NLGN4X: variants seen among roughly 807,000 people sequenced by gnomAD.
NLGN4X encodes neuroligin-4, X-linked.
In NLGN4X, 3 loss-of-function variants were observed where a neutral mutation model predicts 40.3. The observed-to-expected ratio is 0.07, with a 90% CI of 0.03 to 0.19. The LOEUF is 0.19. NLGN4X is among the 10% of genes least tolerant of loss of function. NLGN4X has a pLI of 1.00. For synonymous variants in NLGN4X, 270 were observed against 306.8 expected, an observed-to-expected ratio of 0.88 and a Z score of 1.25; for missense variants, 382 against 708.3, an observed-to-expected ratio of 0.54 and a Z score of 5.23.
At chrX:5,909,930 A>G (rs1221508433) in intron 3 of NLGN4X, among the ~76,000 whole-genome samples, 10 of 111,156 alleles carry the variant, frequency 9.0e-5, no homozygotes, top group Admixed American at 8.7e-4. Flanking sequence ...CATCTCCCCA[A>G]CTGTTCCCAA....
chrX:6,049,683 G>A (rs2037427205), intron 2 of NLGN4X, among the ~76,000 whole-genome samples: 1 of 93,171 alleles, frequency 1.1e-5, no homozygotes. Flanking sequence ...AAACTCTTAA[G>A]AGGGTGAAAG....
chrX:6,090,067 A>C (rs945816773), intron 2 of NLGN4X, among the ~76,000 whole-genome samples: 1 of 111,241 alleles, frequency 9.0e-6, no homozygotes, highest in African/African-American at 3.3e-5. Context: ...ACGTAAACAC[A>C]TGTCCTATTC....
At chrX:6,149,395 G>C (rs1159365430) in intron 2 of NLGN4X, among the ~76,000 whole-genome samples, 1 of 112,022 alleles carries the variant, frequency 8.9e-6, no homozygotes, top group East Asian at 2.8e-4. Context: ...CCTTTGTCCT[G>C]TTTGGGGGGT....
intron 1 of NLGN4X, among the ~76,000 whole-genome samples, chrX:6,156,168 TGAATA>T (rs1473716516): frequency 1.8e-5 from 2 of 111,942 alleles, no homozygotes; most frequent in Non-Finnish European, 3.8e-5. Flanking sequence ...AACAGTAGAT[TGAATA>T]AAGAAAATGT....
At chrX:6,187,187 CG>C (rs1395132016) in intron 1 of NLGN4X, 1 of 106,940 alleles carries the variant, frequency 9.4e-6, no homozygotes, top group South Asian at 4.5e-4. Context: ...CCGCCCGCCT[CG>C]GCCTCCCAAA....
chrX:5,962,113 A>G (rs1458857183), intron 3 of NLGN4X, among the ~76,000 whole-genome samples: 3 of 112,526 alleles, frequency 2.7e-5, no homozygotes, highest in Non-Finnish European at 5.6e-5. Context: ...AGTTACACAC[A>G]GTCAAATGGG....
intron 3 of NLGN4X, among the ~76,000 whole-genome samples, chrX:5,973,197 C>T (rs759278825): frequency 8.9e-6 from 1 of 112,147 alleles, no homozygotes; most frequent in Non-Finnish European, 1.9e-5. Flanking sequence ...AAACTATGAT[C>T]CAGGAAGCAA....
intron 3 of NLGN4X, among the ~76,000 whole-genome samples, chrX:6,027,267 T>C (rs1159163708): frequency 8.9e-6 from 1 of 112,230 alleles, no homozygotes; most frequent in Non-Finnish European, 1.9e-5. Context: ...CCAACACTAG[T>C]AGCCAAAGCA....
At chrX:5,906,357 C>A (rs1303610428) in intron 4 of NLGN4X, among the ~76,000 whole-genome samples, 1 of 111,680 alleles carries the variant, frequency 9.0e-6, no homozygotes, top group Non-Finnish European at 1.9e-5. Flanking sequence ...ACTAAAAACT[C>A]AAGGAATTCA....
At chrX:5,931,728 A>G (rs2033550800) in intron 3 of NLGN4X, among the ~76,000 whole-genome samples, 2 of 111,442 alleles carry the variant, frequency 1.8e-5, no homozygotes, top group Non-Finnish European at 3.8e-5. Context: ...CTTTTGAAAA[A>G]CTACAGAGGA....
intron 2 of NLGN4X, among the ~76,000 whole-genome samples, chrX:6,123,828 G>C (rs1767757746): frequency 1.1e-5 from 1 of 93,352 alleles, no homozygotes; most frequent in Non-Finnish European, 2.0e-5. Flanking sequence ...ATGGAAGTCA[G>C]GTAAAGCAAA....
intron 2 of NLGN4X, among the ~76,000 whole-genome samples, chrX:6,115,066 G>A (rs908074832): frequency 8.9e-6 from 1 of 112,302 alleles, no homozygotes; most frequent in Non-Finnish European, 1.9e-5. Context: ...TAGAAACAAT[G>A]CCTGTGTGTT....
Position 6,066,851 on chromosome X carries a change from T to C in NLGN4X, c.473-37419A>G, listed in dbSNP as rs776588264. ...GGCTGGTCACAGTGGCTCACGCCTG[T>C]AATCCCAGCACTTTGGGAGGCCAAG... On this transcript the variant is annotated intron_variant, in intron 2 of 5. Coordinates refer to ENST00000381095, the MANE Select transcript of NLGN4X (RefSeq NM_181332.3). 2.0e-3 allele frequency among the ~76,000 whole-genome samples: 221 copies of C among 112,557 alleles called. 2 individuals are homozygous for C. Among genetic ancestry groups the C allele is most frequent in the African/African-American group, 6.7e-3 (208 of 31,018 alleles).
rs145750279 is a variant in NLGN4X at position 6,181,814 on chromosome X, G to A, written c.-305-30043C>T. On this transcript the variant is annotated intron_variant, in intron 1 of 5. Coordinates refer to ENST00000381095, the MANE Select transcript of NLGN4X (RefSeq NM_181332.3). ...ATAGCAGTGGGGCACTGCATTAGAC[G>A]GAGTGGTGATTACAATAACGTAAGA... Among the ~76,000 whole-genome samples the A allele has an allele frequency of 4.6e-3, 519 of 112,287 alleles. 2 individuals are homozygous for A. Among genetic ancestry groups the A allele is most frequent in the African/African-American group, 0.016 (492 of 30,954 alleles).
chrX:6,163,964 A>G (rs984636704), intron 1 of NLGN4X, among the ~76,000 whole-genome samples: 11 of 112,753 alleles, frequency 9.8e-5, no homozygotes, highest in African/African-American at 3.5e-4. Flanking sequence ...AAGACAGAAA[A>G]TTGGCAAGGT....
intron 2 of NLGN4X, among the ~76,000 whole-genome samples, chrX:6,080,112 G>GA (rs201004365): frequency 0.017 from 1,077 of 63,237 alleles, 5 homozygotes; most frequent in East Asian, 0.069. Flanking sequence ...CTAGAAACCA[G>GA]AAAAAAAAAA....
At chrX:6,151,838 C>G (rs1385723915) in intron 1 of NLGN4X, 67 bp from the exon 2 acceptor site, 2 of 248,231 alleles carry the variant, frequency 8.1e-6, no homozygotes, top group African/African-American at 2.8e-5. Flanking sequence ...CACTGGCTGG[C>G]TCTTCCACGA....
intron 2 of NLGN4X, among the ~76,000 whole-genome samples, chrX:6,093,807 T>G (rs1033495627): frequency 9.0e-6 from 1 of 111,731 alleles, no homozygotes; most frequent in South Asian, 3.7e-4. Flanking sequence ...TTTTAAGAGA[T>G]AGCAAGAATA....
intron 5 of NLGN4X, among the ~76,000 whole-genome samples, chrX:5,897,415 C>T (rs2031554629): frequency 9.0e-6 from 1 of 111,595 alleles, no homozygotes; most frequent in African/African-American, 3.3e-5. Flanking sequence ...GCTCTAGAAC[C>T]CTTTTGAAAC....
Sources: gnomAD v4.1 joint callset for allele counts (sites outside exome capture counted in the v4.1 genomes callset) on GRCh38, gnomAD v4.1.1 for gene constraint, MANE v1.5 for transcripts, NCBI Gene and HGNC (gene_info 2026-07-23, HGNC 2026-07-21) for gene names.